MALRD1: variants seen among roughly 807,000 people sequenced by gnomAD.
The protein encoded by MALRD1 is MAM and LDL-receptor class A domain-containing protein 1.
In MALRD1, 247 loss-of-function variants were observed where a neutral mutation model predicts 242.1. The observed-to-expected ratio is 1.02, with a 90% CI of 0.92 to 1.13. The LOEUF (loss-of-function observed/expected upper bound fraction) is 1.13, where lower values mean the gene tolerates loss of function less well. MALRD1 is among the 50% of genes most tolerant of loss of function. The probability of loss-of-function intolerance (pLI) is 0.00; values close to 1 mark genes in which losing one functional copy is unlikely to be tolerated. For synonymous variants in MALRD1, 995 were observed against 866.6 expected, an observed-to-expected ratio of 1.15 and a Z score of -2.60; for missense variants, 2,989 against 2,533.1, an observed-to-expected ratio of 1.18 and a Z score of -3.86.
chr10:19,334,410 T>TAA (rs561227556), intron 24 of MALRD1, among the ~76,000 whole-genome samples: 1 of 146,364 alleles, frequency 6.8e-6, no homozygotes. Context: ...AACTGAATCT[T>TAA]AAAAAAAAAA....
rs190890562 is a variant in MALRD1 at position 19,276,262 on chromosome 10, A to G, written c.3080-3785A>G. 4.0e-4 allele frequency among the ~76,000 whole-genome samples: 61 copies of G among 151,548 alleles called. 2 individuals are homozygous for G. The highest frequency in any genetic ancestry group is 3.6e-3 in the Admixed American group (55 of 15,100). ...CATTTTTGATATAGGACATACAAATAAAAAGTTTACATGCATCTTCTAATG... is the reference window on the plus strand; with the variant it reads ...CATTTTTGATATAGGACATACAAATGAAAAGTTTACATGCATCTTCTAATG... On this transcript the variant is annotated intron_variant, in intron 19 of 39. Coordinates refer to ENST00000454679, the MANE Select transcript of MALRD1 (RefSeq NM_001142308.3).
At chr10:19,462,929 A>G (rs1358571927) in intron 29 of MALRD1, among the ~76,000 whole-genome samples, 1 of 152,110 alleles carries the variant, frequency 6.6e-6, no homozygotes, top group Non-Finnish European at 1.5e-5. Context: ...AAGGAAGGAC[A>G]CATACCTGGT....
intron 36 of MALRD1, among the ~76,000 whole-genome samples, chr10:19,623,125 A>G (rs994852812): frequency 3.9e-5 from 6 of 152,090 alleles, no homozygotes; most frequent in Non-Finnish European, 1.5e-5. Context: ...ATGCAATTGC[A>G]TTTGAAGACA....
At chr10:19,523,854 T>C (rs117991239) in intron 31 of MALRD1, among the ~76,000 whole-genome samples, 1,868 of 152,228 alleles carry the variant, frequency 0.012, 26 homozygotes, top group East Asian at 0.057. Context: ...GTTTATAATA[T>C]TGACTTTGAT....
At chr10:19,322,031 A>G (rs1842932228) in intron 21 of MALRD1, among the ~76,000 whole-genome samples, 1 of 152,214 alleles carries the variant, frequency 6.6e-6, no homozygotes, top group Non-Finnish European at 1.5e-5. Flanking sequence ...TTCAAGCTAT[A>G]TCTCATAAGT....
At chr10:19,104,601 T>A (rs1280620762) in intron 5 of MALRD1, among the ~76,000 whole-genome samples, 1 of 152,088 alleles carries the variant, frequency 6.6e-6, no homozygotes, top group Non-Finnish European at 1.5e-5. Flanking sequence ...CAAAAACAAT[T>A]CAATATTAAA....
chr10:19,235,713 G>A (rs930544831), intron 18 of MALRD1, among the ~76,000 whole-genome samples: 14 of 151,614 alleles, frequency 9.2e-5, no homozygotes, highest in African/African-American at 1.7e-4. Context: ...AGAAAGTAAC[G>A]TTAATGAGAT....
chr10:19,410,918 A>T (rs1220794669), intron 28 of MALRD1, among the ~76,000 whole-genome samples: 2 of 152,186 alleles, frequency 1.3e-5, no homozygotes, highest in Non-Finnish European at 2.9e-5. Flanking sequence ...AATATAGTTC[A>T]TCTTGATAAG....
intron 35 of MALRD1, among the ~76,000 whole-genome samples, chr10:19,611,491 A>C (rs964114340): frequency 1.3e-5 from 2 of 152,050 alleles, no homozygotes; most frequent in South Asian, 4.1e-4. Flanking sequence ...ATTTCTGTGT[A>C]ATCAGTTGTG....
intron 38 of MALRD1, 70 bp downstream of exon 38, chr10:19,692,624 C>T: frequency 5.7e-6 from 7 of 1,231,416 alleles, no homozygotes; most frequent in Non-Finnish European, 6.8e-6. Flanking sequence ...ATTTCCTTTG[C>T]TATTTTTTTC....
At chr10:19,227,186 G>C (rs1364128325) in intron 18 of MALRD1, among the ~76,000 whole-genome samples, 2 of 151,514 alleles carry the variant, frequency 1.3e-5, no homozygotes, top group East Asian at 3.9e-4. Flanking sequence ...TCCAAGAATA[G>C]CCAGAGCATG....
intron 18 of MALRD1, among the ~76,000 whole-genome samples, chr10:19,254,784 G>C (rs1482737157): frequency 6.6e-6 from 1 of 151,334 alleles, no homozygotes; most frequent in East Asian, 1.9e-4. Context: ...TGTATCTGAG[G>C]ATACATTATA....
chr10:19,436,135 A>G (rs1440809897), intron 28 of MALRD1, among the ~76,000 whole-genome samples: 1 of 152,078 alleles, frequency 6.6e-6, no homozygotes, highest in Non-Finnish European at 1.5e-5. Context: ...TGTAGATTGC[A>G]AGACCAAGTC....
At chr10:19,734,128 A>T in intron 39 of MALRD1, 29 bp from the exon 40 acceptor site, 1 of 1,502,158 alleles carries the variant, frequency 6.7e-7, no homozygotes, top group Non-Finnish European at 8.9e-7. Context: ...CTAAAATTCC[A>T]CCCTTTCAAA....
intron 38 of MALRD1, among the ~76,000 whole-genome samples, chr10:19,712,262 A>T (rs1834160232): frequency 6.6e-6 from 1 of 152,254 alleles, no homozygotes; most frequent in Admixed American, 6.5e-5. Flanking sequence ...ATCACTTTTA[A>T]GAAATCGAAT....
rs114768653 is a variant in MALRD1 at position 19,483,150 on chromosome 10, A to G, written c.5030-8367A>G. 3.8e-3 allele frequency among the ~76,000 whole-genome samples: 581 copies of G among 152,076 alleles called. 4 individuals carry two copies. The highest frequency in any genetic ancestry group is 0.013 in the African/African-American group (558 of 41,554). On this transcript the variant is annotated intron_variant, in intron 29 of 39. Transcript: ENST00000454679. Reference sequence around the variant, plus strand: ...ATAAGGCCACACACATTTTACAAAAATTAACTCAAAATGGATTAAAGATTT... The same window carrying G: ...ATAAGGCCACACACATTTTACAAAAGTTAACTCAAAATGGATTAAAGATTT...
intron 28 of MALRD1, among the ~76,000 whole-genome samples, chr10:19,423,105 C>G (rs1008921817): frequency 6.6e-6 from 1 of 152,210 alleles, no homozygotes; most frequent in African/African-American, 2.4e-5. Flanking sequence ...GTGCTAATTC[C>G]AATTTAGCAA....
intron 5 of MALRD1, among the ~76,000 whole-genome samples, chr10:19,113,792 TACACACACACACACACACAC>T (rs753384799): frequency 7.4e-6 from 1 of 134,490 alleles, no homozygotes; most frequent in East Asian, 2.3e-4. Context: ...TACCACCCCC[TACACACACACACACACACAC>T]ACACACACAC....
At position 19,262,180 on chromosome 10, in the gene MALRD1, ATATTGT is replaced by A. The variant is rs577217895; in HGVS notation, c.3079+4412_3079+4417del. 6.0e-4 allele frequency among the ~76,000 whole-genome samples: 91 copies of A among 152,182 alleles called. 1 individual carries two copies. The East Asian group carries it at 0.017, about 28-fold the overall frequency. The stretch of plus-strand genomic sequence containing the variant: ...CCTGATTTGTTTCAATACTTTTATA[ATATTGT>A]TAATTTATTTTTCCTACTTTATTAA... On this transcript the variant is annotated intron_variant, in intron 19 of 39. Coordinates refer to ENST00000454679, the MANE Select transcript of MALRD1 (RefSeq NM_001142308.3).
Sources: allele counts gnomAD v4.1 joint callset (sites outside exome capture counted in the v4.1 genomes callset), GRCh38; gene constraint gnomAD v4.1.1; transcripts MANE v1.5; gene names NCBI Gene and HGNC (gene_info 2026-07-23, HGNC 2026-07-21).